Variants in KCNMB2 observed in about 807,000 individuals in gnomAD.
KCNMB2 encodes the protein potassium calcium-activated channel subfamily M regulatory beta subunit 2.
KCNMB2 carries 9 observed loss-of-function variants against 24.5 expected under a neutral mutation model. The observed-to-expected ratio is 0.37, with a 90% CI of 0.22 to 0.64. The LOEUF (loss-of-function observed/expected upper bound fraction) is 0.64, where lower values mean the gene tolerates loss of function less well. Among genes scored for constraint, KCNMB2 ranks in the 30% least tolerant of loss-of-function variants. The pLI is 0.63. For missense variants in KCNMB2, 226 were observed against 284.3 expected, an observed-to-expected ratio of 0.79 and a Z score of 1.47; for synonymous variants, 109 against 104.4, an observed-to-expected ratio of 1.04 and a Z score of -0.27.
chr3:178,578,993 G>A (rs183020449), intron 1 of KCNMB2, among the ~76,000 whole-genome samples: 2 of 152,246 alleles, frequency 1.3e-5, no homozygotes, highest in African/African-American at 4.8e-5. Context: ...AGGATATTCA[G>A]GACTTGACCT....
chr3:178,825,533 A>T, intron 2 of KCNMB2, 55 bp from the exon 3 acceptor site: 2 of 1,488,788 alleles, frequency 1.3e-6, no homozygotes, highest in Non-Finnish European at 9.3e-7. Flanking sequence ...CCTGCTCTCT[A>T]GGGGCATGCT....
At chr3:178,645,278 A>G (rs1719882259) in intron 1 of KCNMB2, among the ~76,000 whole-genome samples, 1 of 151,872 alleles carries the variant, frequency 6.6e-6, no homozygotes, top group Non-Finnish European at 1.5e-5. Flanking sequence ...TCGAACTCCC[A>G]ACCTCAGGCA....
At chr3:178,740,583 A>G (rs1723463550) in intron 1 of KCNMB2, among the ~76,000 whole-genome samples, 1 of 152,232 alleles carries the variant, frequency 6.6e-6, no homozygotes, top group Non-Finnish European at 1.5e-5. Flanking sequence ...TGTTAAGCTT[A>G]GTATGCCATA....
chr3:178,655,708 C>A (rs1720310231), intron 1 of KCNMB2, among the ~76,000 whole-genome samples: 1 of 152,156 alleles, frequency 6.6e-6, no homozygotes. Context: ...CCAGGAACGC[C>A]CAGGTCCTGG....
intron 1 of KCNMB2, among the ~76,000 whole-genome samples, chr3:178,563,333 G>T (rs1716391588): frequency 6.6e-6 from 1 of 152,172 alleles, no homozygotes; most frequent in African/African-American, 2.4e-5. Context: ...AAATGAAGTT[G>T]TCTTCACAGT....
At chr3:178,647,676 A>G (rs951773767) in intron 1 of KCNMB2, among the ~76,000 whole-genome samples, 1 of 152,178 alleles carries the variant, frequency 6.6e-6, no homozygotes, top group Non-Finnish European at 1.5e-5. Flanking sequence ...GCTTCCCTTC[A>G]TGATTTTTGG....
intron 1 of KCNMB2, among the ~76,000 whole-genome samples, chr3:178,767,073 T>C (rs1577170873): frequency 1.3e-5 from 2 of 152,178 alleles, no homozygotes; most frequent in African/African-American, 4.8e-5. Context: ...CCAGAGAGGG[T>C]ACTAAATATC....
At chr3:178,737,564 C>A (rs1034070931) in intron 1 of KCNMB2, among the ~76,000 whole-genome samples, 1 of 152,164 alleles carries the variant, frequency 6.6e-6, no homozygotes, top group Non-Finnish European at 1.5e-5. Flanking sequence ...ATCAAACACT[C>A]AACCAACAAC....
chr3:178,738,717 C>T (rs760921296), intron 1 of KCNMB2, among the ~76,000 whole-genome samples: 5 of 152,152 alleles, frequency 3.3e-5, no homozygotes, highest in East Asian at 1.9e-4. Flanking sequence ...TTCCTACACC[C>T]TAATTCTCCC....
chr3:178,811,166 G>GT (rs1160348989), intron 2 of KCNMB2, among the ~76,000 whole-genome samples: 2 of 152,024 alleles, frequency 1.3e-5, no homozygotes, highest in African/African-American at 4.8e-5. Context: ...TCTTTAAATT[G>GT]TTTTTTTAAA....
At chr3:178,677,618 T>C (rs772528344) in intron 1 of KCNMB2, among the ~76,000 whole-genome samples, 5 of 152,200 alleles carry the variant, frequency 3.3e-5, no homozygotes, top group Non-Finnish European at 5.9e-5. Flanking sequence ...CTGTCGTCTG[T>C]GCACCATGTA....
chr3:178,688,108 C>T (rs1026617123), intron 1 of KCNMB2, among the ~76,000 whole-genome samples: 7 of 152,134 alleles, frequency 4.6e-5, no homozygotes, highest in African/African-American at 1.7e-4. Context: ...ACAACCCTCC[C>T]TTTTGCTTTT....
chr3:178,839,620 G>C (rs1441613679), intron 4 of KCNMB2, among the ~76,000 whole-genome samples: 1 of 152,174 alleles, frequency 6.6e-6, no homozygotes, highest in Admixed American at 6.5e-5. Flanking sequence ...TTACAATCAT[G>C]ATGGAAGGCA....
chr3:178,707,637 T>C (rs1346025216), intron 1 of KCNMB2, among the ~76,000 whole-genome samples: 6 of 152,180 alleles, frequency 3.9e-5, no homozygotes. Context: ...TCAGAATCTC[T>C]GGGAGGAGAA....
chr3:178,807,194 A>G (rs932839917), intron 1 of KCNMB2, 149 bp from the exon 2 acceptor site: 5 of 463,068 alleles, frequency 1.1e-5, no homozygotes, highest in Non-Finnish European at 1.9e-5. Context: ...ACCAGGCTCT[A>G]GTGTTTTCTT....
chr3:178,704,622 A>T (rs1238834974), intron 1 of KCNMB2, among the ~76,000 whole-genome samples: 1 of 152,146 alleles, frequency 6.6e-6, no homozygotes, highest in East Asian at 1.9e-4. Flanking sequence ...TCCCTTCACA[A>T]AGATGGAAAT....
chr3:178,778,816 G>A (rs529366968), intron 1 of KCNMB2, among the ~76,000 whole-genome samples: 6 of 152,104 alleles, frequency 3.9e-5, no homozygotes, highest in Admixed American at 1.3e-4. Context: ...GCACAAGAGC[G>A]ATGTGATAAT....
intron 1 of KCNMB2, among the ~76,000 whole-genome samples, chr3:178,607,601 T>C (rs771334616): frequency 6.6e-6 from 1 of 151,866 alleles, no homozygotes; most frequent in Non-Finnish European, 1.5e-5. Context: ...TTAATTAGCA[T>C]TAGTCCCTCC....
chr3:178,728,379 CA>C (rs576067265), intron 1 of KCNMB2, among the ~76,000 whole-genome samples: 52 of 152,034 alleles, frequency 3.4e-4, no homozygotes, highest in Non-Finnish European at 5.9e-4. Flanking sequence ...CATGATGGGC[CA>C]AAATGGGGGA....
Sources: allele counts gnomAD v4.1 joint callset (sites outside exome capture counted in the v4.1 genomes callset), GRCh38; gene constraint gnomAD v4.1.1; transcripts MANE v1.5; gene names NCBI Gene and HGNC (gene_info 2026-07-23, HGNC 2026-07-21).